Variants in NEO1 observed in about 807,000 individuals in gnomAD.
NEO1 encodes the protein neogenin.
NEO1 carries 63 observed loss-of-function variants against 159.7 expected under a neutral mutation model. That is an observed-to-expected ratio of 0.39 (90% confidence interval 0.32 to 0.49). NEO1 has a LOEUF of 0.49. Ranked by LOEUF, NEO1 falls within the 20% of genes least tolerant of loss-of-function variation. NEO1 has a pLI of 0.85. For missense variants in NEO1, 1,615 were observed against 1,831.0 expected (o/e 0.88, Z 2.15); for synonymous variants, 633 against 662.0 (o/e 0.96, Z 0.67).
At chr15:73,188,173 A>G (rs1237370111) in intron 7 of NEO1, among the ~76,000 whole-genome samples, 2 of 152,066 alleles carry the variant, frequency 1.3e-5, no homozygotes, top group Admixed American at 6.6e-5. Context: ...GCTTTTCTAA[A>G]TTTTACCACT....
At chr15:73,197,635 T>G (rs1258720439) in intron 7 of NEO1, among the ~76,000 whole-genome samples, 3 of 152,026 alleles carry the variant, frequency 2.0e-5, no homozygotes, top group Non-Finnish European at 4.4e-5. Context: ...TTAATTCTTG[T>G]TGCTTTCAAC....
chr15:73,054,859 A>G (rs1217789941), intron 1 of NEO1, among the ~76,000 whole-genome samples: 1 of 152,220 alleles, frequency 6.6e-6, no homozygotes, highest in Non-Finnish European at 1.5e-5. Flanking sequence ...GCTGTCCGCA[A>G]ATCAGATGTC....
intron 23 of NEO1, 86 bp from the exon 24 acceptor site, chr15:73,288,227 G>T: frequency 7.7e-7 from 1 of 1,294,436 alleles, no homozygotes; most frequent in Non-Finnish European, 1.1e-6. Context: ...ACATCTCTCA[G>T]AAAGGAAGTT....
In NEO1 at chr15:73,126,523, T is replaced by G; in HGVS notation, c.831T>G (p.Thr277=). The G allele has an allele frequency of 6.2e-7, 1 of 1,613,900 alleles. No individual in the cohort carries two copies. Among genetic ancestry groups the G allele is most frequent in the Non-Finnish European group, 8.5e-7 (1 of 1,179,928 alleles). Residue 277 remains threonine (T), a synonymous_variant, in exon 4 of 29, where the codon ACT becomes ACG. Coordinates refer to ENST00000261908, the MANE Select transcript of NEO1 (RefSeq NM_002499.4). The stretch of plus-strand genomic sequence containing the variant: ...CATGTGTTGCTTCAGGACTTCCTAC[T>G]CCAACCATTAAATGGATGAAAAATG... The part of the protein sequence containing the change: ...VLPCVASGLP[T]PTIKWMKNEE...
chr15:73,301,626 C>T lies in NEO1; in HGVS notation c.4302+169C>T, dbSNP rs3817374. 7.5e-3 allele frequency: 6,768 copies of T among 898,084 alleles called. 218 individuals are homozygous for T. The highest frequency in any genetic ancestry group is 0.071 in the East Asian group (2,639 of 37,070). 55.6% of individuals were successfully genotyped at this position (898,084 alleles called of 1,614,324 possible). Reference sequence around the variant, plus strand: ...ACAGTGTTGAGCATCTCTTCTGAGCCGGGAACTGTGCTGAGGACTTGGTGT... The same window carrying T: ...ACAGTGTTGAGCATCTCTTCTGAGCTGGGAACTGTGCTGAGGACTTGGTGT... On this transcript the variant is annotated intron_variant, in intron 28 of 28. Transcript: ENST00000261908.
chr15:73,182,656 AG>A (rs1035228644), intron 7 of NEO1, among the ~76,000 whole-genome samples: 31 of 152,192 alleles, frequency 2.0e-4, no homozygotes, highest in Admixed American at 2.0e-3. Flanking sequence ...ATGGGAGTCA[AG>A]TGAAAGGGGA....
intron 7 of NEO1, among the ~76,000 whole-genome samples, chr15:73,229,346 T>G (rs1453285388): frequency 6.6e-6 from 1 of 152,040 alleles, no homozygotes; most frequent in Non-Finnish European, 1.5e-5. Context: ...AATTTGTGAA[T>G]GGAATTGATT....
At chr15:73,265,702 G>T (rs2040854103) in intron 15 of NEO1, among the ~76,000 whole-genome samples, 1 of 152,156 alleles carries the variant, frequency 6.6e-6, no homozygotes, top group African/African-American at 2.4e-5. Flanking sequence ...AGGAAGACCA[G>T]GTGCCTCTAT....
intron 7 of NEO1, among the ~76,000 whole-genome samples, chr15:73,208,230 A>G (rs958798735): frequency 5.3e-5 from 8 of 152,214 alleles, no homozygotes; most frequent in Non-Finnish European, 5.9e-5. Context: ...ATTATAAGCT[A>G]TCTTTCTTTT....
At position 73,304,723 on chromosome 15, in the gene NEO1, A is replaced by G. The variant is rs2042724218; in HGVS notation, c.*2027A>G. The G allele has an allele frequency of 6.6e-6, 1 of 151,718 alleles. No individual in the cohort carries two copies. The highest frequency in any genetic ancestry group is 6.6e-5 in the Admixed American group (1 of 15,220). The allele number at this position is 151,718 out of a possible 1,614,324, so 9.4% of individuals were successfully genotyped here. A position where few individuals can be genotyped will look rare whatever the true frequency, so the allele number is the denominator to read the frequency against. On this transcript the variant is annotated 3_prime_UTR_variant, in exon 29 of 29. Transcript: ENST00000261908. The stretch of plus-strand genomic sequence containing the variant: ...TACCTTTTGCCCAAAGAACATGCTC[A>G]GTATTTGGGGCATTTCCTCCCACAA...
intron 1 of NEO1, among the ~76,000 whole-genome samples, chr15:73,065,133 CTT>C (rs1222184367): frequency 6.6e-6 from 1 of 151,956 alleles, no homozygotes; most frequent in Non-Finnish European, 1.5e-5. Flanking sequence ...TTGTCCTTCT[CTT>C]TTGTTTTAAT....
intron 1 of NEO1, among the ~76,000 whole-genome samples, chr15:73,055,724 C>T (rs1260842637): frequency 6.6e-6 from 1 of 152,160 alleles, no homozygotes; most frequent in African/African-American, 2.4e-5. Context: ...ATTCTCTAAA[C>T]ATGAACAAAC....
intron 7 of NEO1, among the ~76,000 whole-genome samples, chr15:73,182,054 G>A (rs1417794567): frequency 1.3e-5 from 2 of 151,496 alleles, no homozygotes; most frequent in East Asian, 2.0e-4. Context: ...AAGGAGGAGC[G>A]AGTCACATCT....
intron 4 of NEO1, among the ~76,000 whole-genome samples, chr15:73,127,066 C>A (rs1403068502): frequency 6.6e-6 from 1 of 151,974 alleles, no homozygotes; most frequent in Non-Finnish European, 1.5e-5. Context: ...CCCGTCTCTA[C>A]TAAAAATACA....
chr15:73,122,398 C>A, intron 2 of NEO1, 127 bp from the exon 3 acceptor site: 1 of 826,958 alleles, frequency 1.2e-6, no homozygotes, highest in African/African-American at 1.7e-5. Context: ...TTTCCATGGA[C>A]TTTCTTCTCA....
chr15:73,059,414 T>A (rs1324400152), intron 1 of NEO1, among the ~76,000 whole-genome samples: 3 of 152,196 alleles, frequency 2.0e-5, no homozygotes, highest in Admixed American at 2.0e-4. Flanking sequence ...ATAGCGAGAA[T>A]CCTTACATTT....
chr15:73,217,308 T>C (rs1412145970), intron 7 of NEO1, among the ~76,000 whole-genome samples: 2 of 150,260 alleles, frequency 1.3e-5, no homozygotes, highest in Non-Finnish European at 3.0e-5. Flanking sequence ...TTGGTACCAG[T>C]ACCATGCTGT....
intron 5 of NEO1, among the ~76,000 whole-genome samples, chr15:73,167,275 T>TA (rs57353803): frequency 3.8e-4 from 55 of 144,656 alleles, no homozygotes; most frequent in East Asian, 6.1e-4. Flanking sequence ...AAGGTATAAT[T>TA]AAAAAAAAAA....
At chr15:73,246,692 A>T (rs144454152) in intron 9 of NEO1, among the ~76,000 whole-genome samples, 2,055 of 152,282 alleles carry the variant, frequency 0.013, 18 homozygotes, top group South Asian at 0.017. Flanking sequence ...AATGAAGGAA[A>T]TGCAAGGGTC....
Sources: gnomAD v4.1 joint callset for allele counts (sites outside exome capture counted in the v4.1 genomes callset) on GRCh38, gnomAD v4.1.1 for gene constraint, MANE v1.5 for transcripts, NCBI Gene and HGNC (gene_info 2026-07-23, HGNC 2026-07-21) for gene names.